Variants in CNTN6 observed in about 807,000 individuals in gnomAD.
CNTN6 encodes contactin 6, also known as contactin-6.
In CNTN6, 137 loss-of-function variants were observed where a neutral mutation model predicts 122.8. That is an observed-to-expected ratio of 1.12 (90% CI 0.97 to 1.29). The LOEUF (loss-of-function observed/expected upper bound fraction) is 1.29, where lower values mean the gene tolerates loss of function less well. Among genes scored for constraint, CNTN6 ranks in the 50% most tolerant of loss-of-function variants. The pLI is 0.00. For missense variants in CNTN6, 1,634 were observed against 1,223.4 expected, an observed-to-expected ratio of 1.34 and a Z score of -5.01; for synonymous variants, 570 against 426.0, an observed-to-expected ratio of 1.34 and a Z score of -4.16.
chr3:1,256,649 T>C (rs1224341472), intron 4 of CNTN6, among the ~76,000 whole-genome samples: 5 of 152,106 alleles, frequency 3.3e-5, no homozygotes, highest in African/African-American at 1.2e-4. Flanking sequence ...AGTAAATTTT[T>C]CAATCAAGAA....
In CNTN6 at chr3:1,385,654, A is replaced by C; in HGVS notation, c.2561A>C (p.Lys854Thr). The change falls in exon 20 of 23, where the codon AAA (lysine) becomes ACA (threonine). Residue 854 changes from lysine (K) to threonine (T), a missense_variant. Coordinates refer to ENST00000446702, the MANE Select transcript of CNTN6 (RefSeq NM_001289080.2). The part of the protein sequence containing the change: ...TDDSKESMIG[K>T]IRVSGNVTTK... Reference sequence around the variant, plus strand: ...GACTCCAAAGAATCCATGATAGGTAAAATTAGAGTCAGTGGAAATGTCACA... The same window carrying C: ...GACTCCAAAGAATCCATGATAGGTACAATTAGAGTCAGTGGAAATGTCACA... 6.2e-7 allele frequency: 1 copy of C among 1,614,050 alleles called. No individual in the cohort carries two copies. The highest frequency in any genetic ancestry group is 1.1e-5 in the South Asian group (1 of 91,078).
At chr3:1,269,344 T>C (rs1461157409) in intron 4 of CNTN6, among the ~76,000 whole-genome samples, 1 of 152,194 alleles carries the variant, frequency 6.6e-6, no homozygotes, top group African/African-American at 2.4e-5. Context: ...CGTTAGTGGG[T>C]TATTTAATCT....
intron 1 of CNTN6, among the ~76,000 whole-genome samples, chr3:1,097,969 A>T (rs1388596814): frequency 6.6e-6 from 1 of 152,122 alleles, no homozygotes; most frequent in Non-Finnish European, 1.5e-5. Flanking sequence ...ATTAAAATAG[A>T]GCTCAGGAAA....
chr3:1,385,787 CAA>C lies in CNTN6; in HGVS notation c.2698_2699del (p.Lys900ValfsTer18). On this transcript the variant is annotated frameshift_variant, in exon 20 of 23. Transcript: ENST00000446702. LOFTEE classifies it high-confidence loss of function. ...PSSPPVNVTT[K>X]KSPPSQPPAN... is the part of the protein sequence containing the mutation. Reference sequence around the variant, plus strand: ...CAAGCCCCCCAGTCAATGTTACCACCAAAAAGTCTCGTAAGTATGCATACACT... The same window carrying C: ...CAAGCCCCCCAGTCAATGTTACCACCAAAGTCTCGTAAGTATGCATACACT... 1 of 1,608,156 alleles carries C rather than the reference CAA, an allele frequency of 6.2e-7. No homozygotes were observed. Among genetic ancestry groups the C allele is most frequent in the South Asian group, 1.1e-5 (1 of 90,138 alleles).
At chr3:1,373,424 A>C (rs189303593) in intron 14 of CNTN6, among the ~76,000 whole-genome samples, 180 bp from the exon 15 acceptor site, 11 of 152,256 alleles carry the variant, frequency 7.2e-5, no homozygotes, top group Non-Finnish European at 7.4e-5. Flanking sequence ...GCACTACTAC[A>C]TTAATGTCAT....
rs373865338 is a variant in CNTN6 at position 1,326,166 on chromosome 3, T to C, written c.1083+215T>C. Among the ~76,000 whole-genome samples the C allele has an allele frequency of 1.5e-4, 23 of 151,900 alleles. No individual in the cohort carries two copies. In the East Asian group the frequency reaches 3.7e-3, roughly 24 times the overall value. On this transcript the variant is annotated intron_variant, in intron 9 of 22. Coordinates refer to ENST00000446702, the MANE Select transcript of CNTN6 (RefSeq NM_001289080.2). ...AATAAGTGTAGACAAGACAAATAAC[T>C]TTCACAAAATCACTGTTAGCCAGTA...
chr3:1,277,567 G>A (rs1267719549), intron 4 of CNTN6, among the ~76,000 whole-genome samples: 1 of 151,796 alleles, frequency 6.6e-6, no homozygotes, highest in African/African-American at 2.4e-5. Context: ...TGCCATATTG[G>A]CCAAGCTGGT....
At chr3:1,103,091 G>A (rs974846336) in intron 1 of CNTN6, among the ~76,000 whole-genome samples, 15 of 152,088 alleles carry the variant, frequency 9.9e-5, no homozygotes, top group African/African-American at 3.1e-4. Flanking sequence ...GGGCGACAGA[G>A]CCAGACTCCG....
intron 4 of CNTN6, among the ~76,000 whole-genome samples, chr3:1,237,104 C>G (rs912234110): frequency 2.6e-5 from 4 of 151,130 alleles, no homozygotes; most frequent in Non-Finnish European, 5.9e-5. Context: ...AAGAAGCCAC[C>G]AAAAAAAGGT....
intron 3 of CNTN6, among the ~76,000 whole-genome samples, chr3:1,226,711 AT>A (rs1392748871): frequency 1.3e-5 from 2 of 151,806 alleles, no homozygotes; most frequent in African/African-American, 2.4e-5. Context: ...GTTTTTTAGG[AT>A]TTTTTTTCTG....
intron 20 of CNTN6, among the ~76,000 whole-genome samples, chr3:1,395,443 CTTGTGACCCTCCTTAGGT>C (rs1222303833): frequency 1.3e-5 from 2 of 152,118 alleles, no homozygotes; most frequent in Non-Finnish European, 2.9e-5. Context: ...ATATCCCTGG[CTTGTGACCCTCCTTAGGT>C]TTGTGACCCC....
Position 1,145,159 on chromosome 3 carries a change from G to A in CNTN6, c.-82-2768G>A, listed in dbSNP as rs575184759. Among the ~76,000 whole-genome samples the A allele has an allele frequency of 1.7e-3, 256 of 152,080 alleles. 2 individuals are homozygous for A. Among genetic ancestry groups the A allele is most frequent in the Non-Finnish European group, 2.2e-3 (153 of 68,004 alleles). On this transcript the variant is annotated intron_variant, in intron 1 of 22. Coordinates refer to ENST00000446702, the MANE Select transcript of CNTN6 (RefSeq NM_001289080.2). ...TTTTTAGCTGTAGCTGCAAACTTTC[G>A]TCAAGATAACAGTTGTGAGATATAC...
intron 4 of CNTN6, among the ~76,000 whole-genome samples, chr3:1,239,891 C>G (rs1370643664): frequency 6.6e-6 from 1 of 152,020 alleles, no homozygotes; most frequent in Non-Finnish European, 1.5e-5. Context: ...TCAACTGATC[C>G]TCAACAAAGC....
chr3:1,298,584 G>T (rs1247632631), intron 7 of CNTN6, among the ~76,000 whole-genome samples: 1 of 152,086 alleles, frequency 6.6e-6, no homozygotes, highest in Admixed American at 6.6e-5. Context: ...CTACATTTTT[G>T]CATGGGATAT....
In CNTN6 at chr3:1,321,680, G is replaced by A. The variant is rs1340020045; in HGVS notation, c.792G>A (p.Leu264=). The A allele has an allele frequency of 2.5e-6, 4 of 1,611,360 alleles. No homozygotes were observed. In the East Asian group the frequency reaches 6.7e-5, roughly 27 times the overall value. ...TCCCCGATATTAGTTGGAGAAGGTT[G>A]GACGGGAGCCCGTTGCCAGGGAAAG... ...NPVPDISWRR[L]DGSPLPGKVK... Residue 264 remains leucine, a synonymous_variant, in exon 8 of 23, where the codon TTG becomes TTA. Coordinates refer to ENST00000446702, the MANE Select transcript of CNTN6 (RefSeq NM_001289080.2).
At chr3:1,394,792 A>G (rs1694780224) in intron 20 of CNTN6, among the ~76,000 whole-genome samples, 1 of 152,176 alleles carries the variant, frequency 6.6e-6, no homozygotes, top group Non-Finnish European at 1.5e-5. Context: ...AATTCACATC[A>G]AATGCTAAAG....
chr3:1,305,726 CATT>C (rs1482585515), intron 7 of CNTN6, among the ~76,000 whole-genome samples: 3 of 152,156 alleles, frequency 2.0e-5, no homozygotes, highest in South Asian at 4.1e-4. Context: ...ATGTAAATAA[CATT>C]AGTAGCAGCA....
chr3:1,236,666 A>C (rs2125587605), intron 4 of CNTN6, among the ~76,000 whole-genome samples: 1 of 152,258 alleles, frequency 6.6e-6, no homozygotes, highest in South Asian at 2.1e-4. Context: ...AATATGACAA[A>C]ATAAGGTTCT....
chr3:1,392,951 T>C (rs1284389902), intron 20 of CNTN6, among the ~76,000 whole-genome samples: 1 of 97,434 alleles, frequency 1.0e-5, no homozygotes, highest in East Asian at 3.5e-4. Flanking sequence ...ACTTTTACAC[T>C]GTTGGTGGGA....
Sources: allele counts gnomAD v4.1 joint callset (sites outside exome capture counted in the v4.1 genomes callset), GRCh38; gene constraint gnomAD v4.1.1; transcripts MANE v1.5; gene names NCBI Gene and HGNC (gene_info 2026-07-23, HGNC 2026-07-21).